Variants in ZNF618 observed in about 807,000 individuals in gnomAD.
The protein encoded by ZNF618 is neural precursor cell expressed, developmentally down-regulated 10.
A neutral mutation model predicts 103.0 loss-of-function variants in ZNF618; 34 were observed. That is an observed-to-expected ratio of 0.33 (90% CI 0.25 to 0.44). The LOEUF (loss-of-function observed/expected upper bound fraction) is 0.44, where lower values mean the gene tolerates loss of function less well. ZNF618 is among the 20% of genes least tolerant of loss of function. The pLI is 1.00. For synonymous variants in ZNF618, 551 were observed against 542.2 expected, an observed-to-expected ratio of 1.02 and a Z score of -0.23; for missense variants, 1,059 against 1,295.4, an observed-to-expected ratio of 0.82 and a Z score of 2.80.
At chr9:113,900,567 A>G (rs1225559626) in intron 1 of ZNF618, among the ~76,000 whole-genome samples, 1 of 151,572 alleles carries the variant, frequency 6.6e-6, no homozygotes, top group Admixed American at 6.6e-5. Context: ...CCAGAACCCG[A>G]GCTCCTGTCT....
intron 1 of ZNF618, among the ~76,000 whole-genome samples, chr9:113,908,195 T>A (rs1831168081): frequency 6.9e-6 from 1 of 145,224 alleles, no homozygotes; most frequent in African/African-American, 2.6e-5. Context: ...ACATTTCACT[T>A]GTTCGTAAGT....
rs752559976 is a variant in ZNF618, at chr9:114,048,740, G to A, written c.1438G>A (p.Asp480Asn). ...GCGGCTGTTGAGGGTCATGTGTGCC[G>A]ACCTGGGTGCACTGAGCGTGGTCAG... ...AERLLRVMCA[D>N]LGALSVVSGK... The change falls in exon 15 of 15, where the codon GAC becomes AAC. Residue 480 changes from aspartate (D) to asparagine (N), a missense_variant. Asp to Asn is a conservative substitution (Grantham distance 23, BLOSUM62 1). Transcript: ENST00000374126. 159 of 1,613,914 alleles carry A rather than the reference G, an allele frequency of 9.9e-5. No homozygotes were observed. Among genetic ancestry groups the A allele is most frequent in the Non-Finnish European group, 1.3e-4 (148 of 1,179,914 alleles).
At chr9:113,927,808 C>G (rs1833237080) in intron 1 of ZNF618, among the ~76,000 whole-genome samples, 1 of 152,186 alleles carries the variant, frequency 6.6e-6, no homozygotes, top group South Asian at 2.1e-4. Context: ...TACTTTGTCC[C>G]TACCCCACCA....
chr9:113,913,820 C>G (rs1425898737), intron 1 of ZNF618, among the ~76,000 whole-genome samples: 1 of 152,168 alleles, frequency 6.6e-6, no homozygotes, highest in African/African-American at 2.4e-5. Context: ...GTCCCTTTCT[C>G]TCCTAATCTT....
rs577816440 is a variant in ZNF618, at chr9:114,043,262, G to A, written c.1247-4631G>A. 4.4e-4 allele frequency among the ~76,000 whole-genome samples: 67 copies of A among 152,338 alleles called. 1 individual carries two copies. The highest frequency in any genetic ancestry group is 1.5e-3 in the African/African-American group (63 of 41,578). ...GTATATACCTGGAAGTGGAGATTCTGAGCTGTAAGGTAATTCTGTTTAATC... is the reference window on the plus strand; with the variant it reads ...GTATATACCTGGAAGTGGAGATTCTAAGCTGTAAGGTAATTCTGTTTAATC... On this transcript the variant is annotated intron_variant, in intron 13 of 14. Coordinates refer to ENST00000374126, the MANE Select transcript of ZNF618 (RefSeq NM_001318042.2).
intron 1 of ZNF618, among the ~76,000 whole-genome samples, chr9:113,897,621 C>T (rs1830141987): frequency 6.6e-6 from 1 of 152,058 alleles, no homozygotes; most frequent in Admixed American, 6.5e-5. Context: ...TCCATATACC[C>T]CTATTGTTTG....
At chr9:113,939,162 T>C (rs1434572515) in intron 1 of ZNF618, among the ~76,000 whole-genome samples, 1 of 152,224 alleles carries the variant, frequency 6.6e-6, no homozygotes, top group Non-Finnish European at 1.5e-5. Flanking sequence ...TGGTTATTCC[T>C]GACTTCAATT....
chr9:114,005,422 G>A (rs1449316954), intron 6 of ZNF618, among the ~76,000 whole-genome samples: 2 of 152,212 alleles, frequency 1.3e-5, no homozygotes, highest in Non-Finnish European at 2.9e-5. Context: ...GAGATGTCAC[G>A]GTGTCAGAGC....
chr9:113,955,407 A>G (rs944311477), intron 1 of ZNF618, among the ~76,000 whole-genome samples: 7 of 151,794 alleles, frequency 4.6e-5, no homozygotes, highest in East Asian at 1.9e-4. Flanking sequence ...CAGAATTACA[A>G]TCTTTCATTT....
chr9:114,024,535 T>C (rs946421192), intron 10 of ZNF618, among the ~76,000 whole-genome samples: 1 of 152,274 alleles, frequency 6.6e-6, no homozygotes, highest in Non-Finnish European at 1.5e-5. Context: ...AGCTGGTTTT[T>C]AAGCTGTGTT....
chr9:114,048,439 C>T (rs925189893), intron 14 of ZNF618, among the ~76,000 whole-genome samples: 1 of 152,186 alleles, frequency 6.6e-6, no homozygotes, highest in African/African-American at 2.4e-5. Context: ...ACATTCTATT[C>T]CCATGCTCAT....
At chr9:114,041,969 T>G (rs563645878) in intron 13 of ZNF618, among the ~76,000 whole-genome samples, 1 of 152,370 alleles carries the variant, frequency 6.6e-6, no homozygotes, top group East Asian at 1.9e-4. Context: ...GAGCATGGAA[T>G]GTTCTTCCAT....
intron 5 of ZNF618, among the ~76,000 whole-genome samples, chr9:114,002,359 A>G (rs1435198978): frequency 6.6e-6 from 1 of 152,120 alleles, no homozygotes; most frequent in Non-Finnish European, 1.5e-5. Flanking sequence ...ACATCTCATC[A>G]CTGCTCAGTG....
At chr9:113,973,255 A>G (rs537270361) in intron 2 of ZNF618, among the ~76,000 whole-genome samples, 2 of 152,210 alleles carry the variant, frequency 1.3e-5, no homozygotes, top group East Asian at 3.9e-4. Flanking sequence ...ATTAGATTAG[A>G]CGGCTCTGAG....
At chr9:114,044,673 C>G (rs1012745710) in intron 13 of ZNF618, among the ~76,000 whole-genome samples, 55 of 152,264 alleles carry the variant, frequency 3.6e-4, no homozygotes, top group African/African-American at 1.1e-3. Flanking sequence ...CATCCATGAG[C>G]ACGGGATGTG....
intron 3 of ZNF618, among the ~76,000 whole-genome samples, chr9:113,989,931 T>C (rs1011244448): frequency 1.3e-5 from 2 of 152,222 alleles, no homozygotes; most frequent in Non-Finnish European, 2.9e-5. Context: ...ACACCGACCA[T>C]GTTGCTCCCC....
At chr9:113,923,403 G>A (rs567788157) in intron 1 of ZNF618, among the ~76,000 whole-genome samples, 13 of 152,232 alleles carry the variant, frequency 8.5e-5, no homozygotes, top group Admixed American at 2.6e-4. Flanking sequence ...GTTTCTCTCC[G>A]TTAAATATGA....
chr9:113,957,418 G>T (rs2132480032), intron 1 of ZNF618, among the ~76,000 whole-genome samples: 1 of 152,330 alleles, frequency 6.6e-6, no homozygotes, highest in South Asian at 2.1e-4. Context: ...GACTCCAGAT[G>T]TCAGAGTTGG....
At chr9:113,942,796 T>TA (rs1472356087) in intron 1 of ZNF618, among the ~76,000 whole-genome samples, 4 of 152,188 alleles carry the variant, frequency 2.6e-5, no homozygotes, top group African/African-American at 4.8e-5. Flanking sequence ...GAAATTCCAT[T>TA]TTAATAGCAA....
Sources: allele counts gnomAD v4.1 joint callset (sites outside exome capture counted in the v4.1 genomes callset), GRCh38; gene constraint gnomAD v4.1.1; transcripts MANE v1.5; gene names NCBI Gene and HGNC (gene_info 2026-07-23, HGNC 2026-07-21).